PAIP2B: variants seen among roughly 807,000 people sequenced by gnomAD.
The protein encoded by PAIP2B is poly(A) binding protein interacting protein 2B.
PAIP2B carries 13 observed loss-of-function variants against 17.0 expected under a neutral mutation model. That is an observed-to-expected ratio of 0.76 (90% CI 0.50 to 1.22). PAIP2B has a LOEUF of 1.22. PAIP2B is among the 50% of genes most tolerant of loss of function. PAIP2B has a pLI of 0.00. For missense variants in PAIP2B, 117 were observed against 144.5 expected, an observed-to-expected ratio of 0.81 and a Z score of 0.98; for synonymous variants, 43 against 48.7, an observed-to-expected ratio of 0.88 and a Z score of 0.48.
rs1483371347 is a variant in PAIP2B, at chr2:71,202,549, T to C, written c.41A>G (p.Lys14Arg). 1.2e-6 allele frequency: 2 copies of C among 1,613,682 alleles called. No homozygotes were observed. Among genetic ancestry groups the C allele is most frequent in the Non-Finnish European group, 1.7e-6 (2 of 1,179,756 alleles). The change falls in exon 2 of 4, where the codon AAA becomes AGA. Residue 14 changes from lysine to arginine, a missense_variant. Physicochemically the swap from Lys to Arg is conservative, Grantham distance 26. Transcript: ENST00000244221. ...SNMANTSPSV[K>R]SKEDQGLSGH... is the part of the protein sequence containing the mutation. The stretch of plus-strand genomic sequence containing the variant: ...ACTTAACCCCTGGTCCTCTTTGGAT[T>C]TTACACTCGGTGATGTATTTGCCAT...
chr2:71,218,855 A>G (rs1675501048), intron 1 of PAIP2B, among the ~76,000 whole-genome samples: 1 of 152,142 alleles, frequency 6.6e-6, no homozygotes, highest in Non-Finnish European at 1.5e-5. Context: ...ATGCATAAAA[A>G]AGTATAAAAA....
In PAIP2B at chr2:71,200,689, T is replaced by C. The variant is rs530368706; in HGVS notation, c.138+1763A>G. Among the ~76,000 whole-genome samples the C allele has an allele frequency of 3.3e-5, 5 of 152,142 alleles. No individual in the cohort carries two copies. The East Asian group carries it at 5.8e-4, about 18-fold the overall frequency. The stretch of plus-strand genomic sequence containing the variant: ...ATGGTTTGAGCCTGGACTGTGGAGG[T>C]TGCAGTGAGCCGAGATTGAGCCACT... On this transcript the variant is annotated intron_variant, in intron 2 of 3. Transcript: ENST00000244221.
At chr2:71,215,249 G>T (rs962330945) in intron 1 of PAIP2B, among the ~76,000 whole-genome samples, 2 of 151,804 alleles carry the variant, frequency 1.3e-5, no homozygotes. Context: ...ACACAACCAA[G>T]ATCGTGCCAC....
In PAIP2B at chr2:71,202,617, G is replaced by T. The variant is rs745675461; in HGVS notation, c.-11-17C>A. The T allele has an allele frequency of 6.3e-7, 1 of 1,590,566 alleles. No homozygotes were observed. Among genetic ancestry groups the T allele is most frequent in the Non-Finnish European group, 8.6e-7 (1 of 1,162,670 alleles). On this transcript the variant is annotated splice_polypyrimidine_tract_variant and intron_variant, in intron 1 of 3. Coordinates refer to ENST00000244221, the MANE Select transcript of PAIP2B (RefSeq NM_020459.1). ...TGATGGAACCTAAAGAGAAGCAAAA[G>T]AAAAGATAAAATGAATATAAGGATA... is the stretch of plus-strand genomic sequence containing the variant.
At chr2:71,200,701 G>A (rs1674957025) in intron 2 of PAIP2B, among the ~76,000 whole-genome samples, 1 of 152,130 alleles carries the variant, frequency 6.6e-6, no homozygotes, top group Admixed American at 6.5e-5. Context: ...GCAGTGAGCC[G>A]AGATTGAGCC....
rs879244614 is a variant in PAIP2B, at chr2:71,184,940, C to G, written c.*3539G>C. On this transcript the variant is annotated 3_prime_UTR_variant, in exon 4 of 4. Transcript: ENST00000244221. Reference sequence around the variant, plus strand: ...CCTAAACTGAGAAAGATTATTAGCCCGTGATGGTGGGACCCTTATTGACGA... The same window carrying G: ...CCTAAACTGAGAAAGATTATTAGCCGGTGATGGTGGGACCCTTATTGACGA... 6.6e-6 allele frequency: 1 copy of G among 152,110 alleles called. No homozygotes were observed. The highest frequency in any genetic ancestry group is 1.5e-5 in the Non-Finnish European group (1 of 68,016). 9.4% of individuals were successfully genotyped at this position (152,110 alleles called of 1,614,324 possible).
At chr2:71,220,487 C>T (rs1456802041) in intron 1 of PAIP2B, among the ~76,000 whole-genome samples, 3 of 150,342 alleles carry the variant, frequency 2.0e-5, no homozygotes, top group African/African-American at 7.3e-5. Context: ...TAGTCCCCTG[C>T]TCCTTGCCAA....
At chr2:71,225,357 A>C (rs1344786132) in intron 1 of PAIP2B, among the ~76,000 whole-genome samples, 1 of 152,234 alleles carries the variant, frequency 6.6e-6, no homozygotes, top group Non-Finnish European at 1.5e-5. Flanking sequence ...TACATTACAA[A>C]CAGGATAAAG....
intron 2 of PAIP2B, among the ~76,000 whole-genome samples, chr2:71,201,537 T>A (rs1240688527): frequency 6.6e-6 from 1 of 152,054 alleles, no homozygotes; most frequent in African/African-American, 2.4e-5. Flanking sequence ...GGTGCCACCA[T>A]GCCCAGCTAA....
At chr2:71,201,008 GGT>G (rs70959217) in intron 2 of PAIP2B, among the ~76,000 whole-genome samples, 472 of 32,354 alleles carry the variant, frequency 0.015, 2 homozygotes, top group African/African-American at 0.022. Flanking sequence ...TGTGTGTGTG[GGT>G]GTGTGTGTGT....
At chr2:71,198,559 ACAGG>A (rs1231492555) in intron 2 of PAIP2B, among the ~76,000 whole-genome samples, 1 of 152,100 alleles carries the variant, frequency 6.6e-6, no homozygotes, top group Non-Finnish European at 1.5e-5. Context: ...TGCTGGGATT[ACAGG>A]CGTGAGCCAC....
At chr2:71,204,657 T>C (rs1307391810) in intron 1 of PAIP2B, among the ~76,000 whole-genome samples, 1 of 152,174 alleles carries the variant, frequency 6.6e-6, no homozygotes, top group African/African-American at 2.4e-5. Context: ...AAGAAATCAA[T>C]GTCTATTCCA....
At chr2:71,225,568 T>C (rs974773744) in intron 1 of PAIP2B, among the ~76,000 whole-genome samples, 2 of 152,198 alleles carry the variant, frequency 1.3e-5, no homozygotes, top group Non-Finnish European at 2.9e-5. Context: ...GATATACAAG[T>C]AGCCAGAGGA....
chr2:71,188,043 T>C lies in PAIP2B; in HGVS notation c.*436A>G, dbSNP rs1014421968. ...ACCACCTGCTCTTTCTGCTTGTCCCTTTTCCCATCCAACTCAATAGATTCC... is the reference window on the plus strand; with the variant it reads ...ACCACCTGCTCTTTCTGCTTGTCCCCTTTCCCATCCAACTCAATAGATTCC... On this transcript the variant is annotated 3_prime_UTR_variant, in exon 4 of 4. Coordinates refer to ENST00000244221, the MANE Select transcript of PAIP2B (RefSeq NM_020459.1). 2.5e-5 allele frequency: 4 copies of C among 158,936 alleles called. No homozygotes were observed. Among genetic ancestry groups the C allele is most frequent in the Non-Finnish European group, 5.6e-5 (4 of 71,698 alleles). 9.8% of individuals were successfully genotyped at this position (158,936 alleles called of 1,614,324 possible).
chr2:71,191,306 T>G (rs906300053), intron 2 of PAIP2B, among the ~76,000 whole-genome samples: 2 of 152,224 alleles, frequency 1.3e-5, no homozygotes, highest in African/African-American at 2.4e-5. Flanking sequence ...ACGTGAAAAC[T>G]AGACAGTTAT....
intron 1 of PAIP2B, among the ~76,000 whole-genome samples, chr2:71,218,705 G>A (rs1408578205): frequency 1.3e-5 from 2 of 151,994 alleles, no homozygotes; most frequent in Non-Finnish European, 1.5e-5. Flanking sequence ...ATTCACCTCT[G>A]GAGTGGCAAT....
At chr2:71,194,034 G>A (rs1297774178) in intron 2 of PAIP2B, among the ~76,000 whole-genome samples, 1 of 152,054 alleles carries the variant, frequency 6.6e-6, no homozygotes, top group African/African-American at 2.4e-5. Flanking sequence ...ATGTAGATGT[G>A]TGGTCTCATT....
chr2:71,221,288 A>G (rs939967023), intron 1 of PAIP2B, among the ~76,000 whole-genome samples: 6 of 152,208 alleles, frequency 3.9e-5, no homozygotes, highest in Non-Finnish European at 7.3e-5. Flanking sequence ...AAACTTCACC[A>G]TCTCTATATC....
rs748528015 is a variant in PAIP2B, at chr2:71,188,480, C to G, written c.371G>C (p.Ter124SerextTer51). ...AKEFIPGEKY[*>S] ...AGTCTTCCTCAAAGCTTTCTCGGCT[C>G]AGTACTTCTCTCCTGGAATAAACTC... Residue 124 changes from the stop codon to serine (S), a stop_lost, in exon 4 of 4, where the codon TGA becomes TCA. Transcript: ENST00000244221. 1.2e-6 allele frequency: 2 copies of G among 1,608,948 alleles called. No individual in the cohort carries two copies. Among genetic ancestry groups the G allele is most frequent in the Non-Finnish European group, 1.7e-6 (2 of 1,177,526 alleles).
Sources: allele counts gnomAD v4.1 joint callset (sites outside exome capture counted in the v4.1 genomes callset), GRCh38; gene constraint gnomAD v4.1.1; transcripts MANE v1.5; gene names NCBI Gene and HGNC (gene_info 2026-07-23, HGNC 2026-07-21).